The following NKPD1 variants were observed in gnomAD, a reference collection of about 807,000 sequenced individuals.
The protein encoded by NKPD1 is NTPase KAP family P-loop domain containing 1.
A neutral mutation model predicts 42.2 loss-of-function variants in NKPD1; 37 were observed. The ratio of observed to expected loss-of-function variants is 0.88; its 90% confidence interval spans 0.67 to 1.15. The LOEUF (loss-of-function observed/expected upper bound fraction) is 1.15, where lower values mean the gene tolerates loss of function less well. NKPD1 is among the 50% of genes most tolerant of loss of function. The probability of loss-of-function intolerance (pLI) is 0.00; values close to 1 mark genes in which losing one functional copy is unlikely to be tolerated. For missense variants in NKPD1, 1,113 were observed against 1,174.6 expected (o/e 0.95, Z 0.77); for synonymous variants, 552 against 536.5 (o/e 1.03, Z -0.40).
chr19:45,158,303 G>T lies in NKPD1; in HGVS notation c.529+360C>A, dbSNP rs575575838. Among the ~76,000 whole-genome samples the T allele has an allele frequency of 3.3e-5, 5 of 152,210 alleles. No individual in the cohort carries two copies. Among genetic ancestry groups the T allele is most frequent in the Non-Finnish European group, 7.4e-5 (5 of 68,026 alleles). On this transcript the variant is annotated intron_variant, in intron 3 of 4. Transcript: ENST00000686631. The surrounding 1 kb of genome is among the most constrained non-coding windows in gnomAD (Gnocchi z 4.6). Reference sequence around the variant, plus strand: ...ACGCCAGAGCCAGCCAACAACCCAGGGCTCACCATCCCTGCCCCATGTACC... The same window carrying T: ...ACGCCAGAGCCAGCCAACAACCCAGTGCTCACCATCCCTGCCCCATGTACC...
Position 45,153,704 on chromosome 19 carries a change from C to T in NKPD1, c.733G>A (p.Val245Met). ...AGCTGCGGGACGCCCCAGCCGCTCA[C>T]GGCACGCGGCCGCCACTGCACGTGC... Reference protein sequence around the residue: ...LQHVQWRPRAVSGWGVPQLLW... With the variant: ...LQHVQWRPRAMSGWGVPQLLW... Residue 245 changes from valine (V) to methionine (M), a missense_variant, in exon 5 of 5, where the codon GTG becomes ATG. Val to Met is a conservative substitution (Grantham distance 21, BLOSUM62 1). This residue lies in a region of NKPD1 where 867 missense variants were observed against 870.1 expected (regional missense o/e 1.00). Coordinates refer to ENST00000686631, the MANE Select transcript of NKPD1 (RefSeq NM_198478.4). 2 of 1,536,024 alleles carry T rather than the reference C, an allele frequency of 1.3e-6. No homozygotes were observed. Among genetic ancestry groups the T allele is most frequent in the Non-Finnish European group, 1.8e-6 (2 of 1,137,294 alleles).
At chr19:45,156,322 G>A (rs1385660429) in intron 3 of NKPD1, among the ~76,000 whole-genome samples, 2 of 152,186 alleles carry the variant, frequency 1.3e-5, no homozygotes, top group Non-Finnish European at 2.9e-5. Context: ...AGGACTCCAG[G>A]CCACTCCTGC....
At chr19:45,160,242 A>G in intron 1 of NKPD1, 21 bp from the exon 2 acceptor site, 3 of 716,692 alleles carry the variant, frequency 4.2e-6, no homozygotes, top group Non-Finnish European at 6.3e-6. Context: ...AACAGCAGAG[A>G]GCTGAGGTCA....
At chr19:45,157,305 C>CA (rs1233070667) in intron 3 of NKPD1, among the ~76,000 whole-genome samples, 84 of 152,352 alleles carry the variant, frequency 5.5e-4, no homozygotes, top group African/African-American at 1.9e-3. Context: ...GGTCTCTGCT[C>CA]AAACGCTGCC....
At chr19:45,161,523 C>T (rs1046333275), upstream of NKPD1, among the ~76,000 whole-genome samples, 1 of 152,252 alleles carries the variant, frequency 6.6e-6, no homozygotes, top group Non-Finnish European at 1.5e-5. Flanking sequence ...TCTCCACCAC[C>T]CAGGGGGCCA....
intron 3 of NKPD1, among the ~76,000 whole-genome samples, chr19:45,157,098 G>A (rs867268839): frequency 5.3e-5 from 8 of 152,294 alleles, no homozygotes; most frequent in African/African-American, 1.4e-4. Context: ...CTCTGCTGCC[G>A]CCACCCCGGC....
chr19:45,150,034 T>G lies in NKPD1; in HGVS notation c.*1904A>C, dbSNP rs1453991295. 6.6e-6 allele frequency: 1 copy of G among 152,094 alleles called. No individual in the cohort carries two copies. 9.4% of individuals were successfully genotyped at this position (152,094 alleles called of 1,614,324 possible). ...CACAGGTGCAAGTTCTCATAGCAGC[T>G]CCACGTGAAGATACAGTGACCAACA... On this transcript the variant is annotated 3_prime_UTR_variant, in exon 5 of 5. Coordinates refer to ENST00000686631, the MANE Select transcript of NKPD1 (RefSeq NM_198478.4).
intron 3 of NKPD1, among the ~76,000 whole-genome samples, chr19:45,157,165 G>A (rs886400662): frequency 4.6e-5 from 7 of 152,196 alleles, no homozygotes; most frequent in African/African-American, 1.4e-4. Flanking sequence ...TCGGCCACCT[G>A]CTTCCGTCCT....
chr19:45,152,211 G>A lies in NKPD1; in HGVS notation c.2226C>T (p.Cys742=). 6.2e-7 allele frequency: 1 copy of A among 1,600,540 alleles called. No individual in the cohort carries two copies. Among genetic ancestry groups the A allele is most frequent in the Non-Finnish European group, 8.5e-7 (1 of 1,174,842 alleles). Residue 742 remains cysteine (C), a synonymous_variant, in exon 5 of 5, where the codon TGC becomes TGT. Transcript: ENST00000686631. The part of the protein sequence containing the change: ...TVAEAQSLLR[C]TVNLDHSIRR... ...GGATGGAGTGGTCCAGGTTGACCGT[G>A]CAGCGCAGCAGGCTCTGCGCCTCGG...
Position 45,159,038 on chromosome 19 carries a change from A to G in NKPD1, c.154T>C (p.Ser52Pro). 7.7e-7 allele frequency: 1 copy of G among 1,299,892 alleles called. No homozygotes were observed. The highest frequency in any genetic ancestry group is 5.6e-5 in the East Asian group (1 of 17,768). 80.5% of individuals were successfully genotyped at this position (1,299,892 alleles called of 1,614,324 possible). A position where few individuals can be genotyped will look rare whatever the true frequency, so the allele number is the denominator to read the frequency against. Residue 52 changes from serine to proline, a missense_variant, in exon 3 of 5, where the codon TCC becomes CCC. By Grantham distance (74) the Ser-to-Pro change is moderately conservative. Around this residue, in one of 3 missense-constraint regions of NKPD1, gnomAD observed 204 missense variants for 227.8 expected, o/e 0.90. Transcript: ENST00000686631. The stretch of plus-strand genomic sequence containing the variant: ...GCCAGCTGCCAGTGTGATTGGGGGG[A>G]AGGCCGACAGGGCCCATGGGCTCGG... ...ALRAHGPCRP[S>P]PQSHWQLAYH... is the part of the protein sequence containing the mutation.
Position 45,155,990 on chromosome 19 carries a change from G to A in NKPD1, c.530-74C>T, listed in dbSNP as rs542500744. On this transcript the variant is annotated intron_variant, in intron 3 of 4. Coordinates refer to ENST00000686631, the MANE Select transcript of NKPD1 (RefSeq NM_198478.4). The stretch of plus-strand genomic sequence containing the variant: ...CACCCTCCTCCCATCTGCCCTCCAT[G>A]GCCCCCACTATCAGCCCCTTCCTGG... 5 of 1,246,770 alleles carry A rather than the reference G, an allele frequency of 4.0e-6. No individual in the cohort carries two copies. The South Asian group carries it at 5.3e-5, about 13-fold the overall frequency. 77.2% of individuals were successfully genotyped at this position (1,246,770 alleles called of 1,614,324 possible).
rs1190812847 is a variant in NKPD1, at chr19:45,158,880, G to T, written c.312C>A (p.His104Gln). 7.8e-7 allele frequency: 1 copy of T among 1,284,592 alleles called. No homozygotes were observed. Among genetic ancestry groups the T allele is most frequent in the South Asian group, 1.3e-5 (1 of 79,434 alleles). The allele number at this position is 1,284,592 out of a possible 1,614,324, so 79.6% of individuals were successfully genotyped here. A position where few individuals can be genotyped will look rare whatever the true frequency, so the allele number is the denominator to read the frequency against. ...TTGCAGGCAGCCCCTTCTGGGCTTCGTGAATGGGGCAGAGCCGCTGCCGCA... is the reference window on the plus strand; with the variant it reads ...TTGCAGGCAGCCCCTTCTGGGCTTCTTGAATGGGGCAGAGCCGCTGCCGCA... ...SPLRQRLCPI[H>Q]EAQKGLPATS... Residue 104 changes from histidine (H) to glutamine (Q), a missense_variant, in exon 3 of 5, where the codon CAC becomes CAA. His to Gln is a conservative substitution (Grantham distance 24). Around this residue, in one of 3 missense-constraint regions of NKPD1, gnomAD observed 204 missense variants for 227.8 expected, o/e 0.90. Transcript: ENST00000686631. This position sits in a 1 kb window ranked among gnomAD's most constrained non-coding sequence, Gnocchi z 4.6.
rs761045045 is a variant in NKPD1, at chr19:45,152,734, C to A, written c.1703G>T (p.Gly568Val). The change falls in exon 5 of 5, where the codon GGC (glycine) becomes GTC (valine). Residue 568 changes from glycine to valine, a missense_variant. By Grantham distance (109) the Gly-to-Val change is moderately radical (BLOSUM62 -3). This residue lies in a region of NKPD1 where 867 missense variants were observed against 870.1 expected (regional missense o/e 1.00). Coordinates refer to ENST00000686631, the MANE Select transcript of NKPD1 (RefSeq NM_198478.4). Reference sequence around the variant, plus strand: ...CACCGCCAGCAGCTGCGCGCTCTCGCCCCCGGCGTCCCCCGGCAGCCACGG... The same window carrying A: ...CACCGCCAGCAGCTGCGCGCTCTCGACCCCGGCGTCCCCCGGCAGCCACGG... Reference protein sequence around the residue: ...RKPWLPGDAGGESAQLLAVQA... With the variant: ...RKPWLPGDAGVESAQLLAVQA... The A allele has an allele frequency of 6.3e-7, 1 of 1,584,404 alleles. No homozygotes were observed. Among genetic ancestry groups the A allele is most frequent in the Non-Finnish European group, 8.6e-7 (1 of 1,168,420 alleles).
At chr19:45,162,016 G>T (rs1969016178), upstream of NKPD1, among the ~76,000 whole-genome samples, 1 of 152,002 alleles carries the variant, frequency 6.6e-6, no homozygotes, top group Non-Finnish European at 1.5e-5. Context: ...CTTCAAGCCG[G>T]TTGCTCTGGG....
In NKPD1 at chr19:45,151,984, G is replaced by A. The variant is rs1473241233; in HGVS notation, c.2453C>T (p.Ala818Val). 6.2e-7 allele frequency: 1 copy of A among 1,605,102 alleles called. No homozygotes were observed. ...TTGCCCTGGACGGAAGAGCGCACAG[G>A]CCACCGGCCATAGCTTGCCCCTGTG... Reference protein sequence around the residue: ...LAHRGKLWPVACALFRPGQSS... With the variant: ...LAHRGKLWPVVCALFRPGQSS... The change falls in exon 5 of 5, where the codon GCC becomes GTC. Residue 818 changes from alanine (A) to valine (V), a missense_variant. Around this residue, in one of 3 missense-constraint regions of NKPD1, gnomAD observed 867 missense variants for 870.1 expected, o/e 1.00. Coordinates refer to ENST00000686631, the MANE Select transcript of NKPD1 (RefSeq NM_198478.4).
chr19:45,161,856 G>A (rs1036268066), upstream of NKPD1, among the ~76,000 whole-genome samples: 2 of 152,182 alleles, frequency 1.3e-5, no homozygotes, highest in African/African-American at 2.4e-5. Context: ...TGCTCCGATG[G>A]GGATGGGGGA....
At chr19:45,162,124 T>C (rs1454455914), upstream of NKPD1, among the ~76,000 whole-genome samples, 1 of 151,752 alleles carries the variant, frequency 6.6e-6, no homozygotes, top group East Asian at 1.9e-4. Flanking sequence ...CCCGGCCCGA[T>C]CATGAAGCGT....
upstream of NKPD1, among the ~76,000 whole-genome samples, chr19:45,161,225 T>TG (rs922074966): frequency 2.6e-4 from 40 of 152,082 alleles, no homozygotes; most frequent in African/African-American, 7.7e-4. Context: ...TCTGCTGGTG[T>TG]GGGGGGGACA....
At position 45,152,068 on chromosome 19, in the gene NKPD1, G is replaced by A. The variant is rs777894016; in HGVS notation, c.2369C>T (p.Pro790Leu). The A allele has an allele frequency of 6.2e-6, 10 of 1,608,050 alleles. No homozygotes were observed. In the Admixed American group the frequency reaches 1.2e-4, roughly 19 times the overall value. ...AHRANSASRA[P>L]PSGRASGQAG... is the part of the protein sequence containing the mutation. ...TTGCCCTGAGGCACGGCCCGACGGGGGCGCCCTGGAGGCGCTGTTGGCCCG... is the reference window on the plus strand; with the variant it reads ...TTGCCCTGAGGCACGGCCCGACGGGAGCGCCCTGGAGGCGCTGTTGGCCCG... The change falls in exon 5 of 5, where the codon CCC becomes CTC. Residue 790 changes from proline to leucine, a missense_variant. By Grantham distance (98) the Pro-to-Leu change is moderately conservative (BLOSUM62 -3). This residue lies in a region of NKPD1 where 867 missense variants were observed against 870.1 expected (regional missense o/e 1.00). Coordinates refer to ENST00000686631, the MANE Select transcript of NKPD1 (RefSeq NM_198478.4).
Sources: allele counts gnomAD v4.1 joint callset (sites outside exome capture counted in the v4.1 genomes callset), GRCh38; gene constraint gnomAD v4.1.1; regional missense constraint gnomAD v4.1.1; non-coding constraint Gnocchi (gnomAD v3.1); transcripts MANE v1.5; gene names NCBI Gene and HGNC (gene_info 2026-07-23, HGNC 2026-07-21).